Variants in INPP5A observed in about 807,000 individuals in gnomAD.
INPP5A encodes the protein inositol polyphosphate-5-phosphatase A.
INPP5A carries 14 observed loss-of-function variants against 65.2 expected under a neutral mutation model. The observed-to-expected ratio is 0.21, with a 90% CI of 0.14 to 0.34. The LOEUF (loss-of-function observed/expected upper bound fraction) is 0.34, where lower values mean the gene tolerates loss of function less well. Ranked by LOEUF, INPP5A falls within the 10% of genes least tolerant of loss-of-function variation. INPP5A has a pLI of 1.00. For missense variants in INPP5A, 431 were observed against 545.6 expected, an observed-to-expected ratio of 0.79 and a Z score of 2.09; for synonymous variants, 207 against 208.3, an observed-to-expected ratio of 0.99 and a Z score of 0.05.
intron 7 of INPP5A, chr10:132,708,591 A>T: frequency 1.5e-6 from 1 of 667,182 alleles, no homozygotes; most frequent in South Asian, 1.5e-5. Context: ...CCCAGTGCCA[A>T]TGGAGACACA....
chr10:132,653,199 G>A (rs1345085106), intron 4 of INPP5A, among the ~76,000 whole-genome samples: 2 of 152,216 alleles, frequency 1.3e-5, no homozygotes, highest in Non-Finnish European at 2.9e-5. Flanking sequence ...TCATGCTGTA[G>A]TTCTGTTTCC....
intron 4 of INPP5A, among the ~76,000 whole-genome samples, chr10:132,684,564 G>A (rs1202724963): frequency 6.6e-6 from 1 of 152,218 alleles, no homozygotes; most frequent in African/African-American, 2.4e-5. Context: ...GATGTGGTGT[G>A]TCCCTGTGGC....
chr10:132,710,472 C>CAGGT lies in INPP5A; in HGVS notation c.647+20_647+23dup. ...TGCTGGACAGGTAGGTGTGGGCGGG[C>CAGGT]AGGTAGGCGTGGGCCGGGCAAGTAG... On this transcript the variant is annotated intron_variant, in intron 8 of 15. Transcript: ENST00000368594. 1 of 1,610,916 alleles carries CAGGT rather than the reference C, an allele frequency of 6.2e-7. No individual in the cohort carries two copies. The highest frequency in any genetic ancestry group is 1.3e-5 in the African/African-American group (1 of 74,840).
At chr10:132,615,388 T>C (rs1433935543) in intron 2 of INPP5A, among the ~76,000 whole-genome samples, 1 of 152,200 alleles carries the variant, frequency 6.6e-6, no homozygotes, top group African/African-American at 2.4e-5. Flanking sequence ...TGAGGAAGAC[T>C]TCTGTGTGGC....
chr10:132,726,447 G>C (rs948219197), intron 8 of INPP5A, among the ~76,000 whole-genome samples: 22 of 152,182 alleles, frequency 1.4e-4, no homozygotes, highest in Non-Finnish European at 3.1e-4. Context: ...GTTTGTGGTG[G>C]ATTATTCAGG....
At chr10:132,582,491 C>T (rs141999895) in intron 1 of INPP5A, among the ~76,000 whole-genome samples, 191 of 150,634 alleles carry the variant, frequency 1.3e-3, no homozygotes, top group Middle Eastern at 3.4e-3. Context: ...CAACACGGCT[C>T]ACTGCATCCT....
intron 9 of INPP5A, among the ~76,000 whole-genome samples, chr10:132,748,644 C>T (rs1846415207): frequency 6.6e-6 from 1 of 152,242 alleles, no homozygotes; most frequent in African/African-American, 2.4e-5. Flanking sequence ...CAATGTAATC[C>T]TTCGCGGTGA....
intron 1 of INPP5A, among the ~76,000 whole-genome samples, chr10:132,568,787 A>AT (rs1400266658): frequency 6.6e-6 from 1 of 152,096 alleles, no homozygotes; most frequent in African/African-American, 2.4e-5. Flanking sequence ...ACAAAAAAGA[A>AT]TTTTTTTGAG....
chr10:132,775,351 A>G (rs1022253255), intron 12 of INPP5A, among the ~76,000 whole-genome samples: 1 of 152,004 alleles, frequency 6.6e-6, no homozygotes, highest in South Asian at 2.1e-4. Flanking sequence ...CCCAGCAGGT[A>G]TGCTTTCAGA....
rs76926400 is a variant in INPP5A at position 132,573,230 on chromosome 10, T to C, written c.76-34685T>C. Among the ~76,000 whole-genome samples the C allele has an allele frequency of 1.4e-3, 198 of 139,650 alleles. 1 individual carries two copies. Among genetic ancestry groups the C allele is most frequent in the African/African-American group, 4.9e-3 (180 of 36,452 alleles). The allele number at this position is 139,650 out of a possible 152,430, so 91.6% of individuals were successfully genotyped here. A position where few individuals can be genotyped will look rare whatever the true frequency, so the allele number is the denominator to read the frequency against. ...TATTGAGATGTTGGGGTGTGTGTGC[T>C]GTGTGAGGTTTTGTTGATGTTGAGG... On this transcript the variant is annotated intron_variant, in intron 1 of 15. Transcript: ENST00000368594.
intron 9 of INPP5A, among the ~76,000 whole-genome samples, chr10:132,744,815 C>A (rs1006085430): frequency 6.6e-6 from 1 of 152,192 alleles, no homozygotes; most frequent in Non-Finnish European, 1.5e-5. Flanking sequence ...CCTGAGGCGA[C>A]CTGCAGGGCT....
intron 8 of INPP5A, among the ~76,000 whole-genome samples, chr10:132,722,478 C>T (rs2134569987): frequency 6.6e-6 from 1 of 152,338 alleles, no homozygotes; most frequent in African/African-American, 2.4e-5. Flanking sequence ...CGCCACCTGC[C>T]CTGTCACCGT....
At position 132,762,547 on chromosome 10, in the gene INPP5A, C is replaced by T. The variant is rs923948600; in HGVS notation, c.904-3226C>T. ...TGGCCACCATAAAGACAGTACCTGG[C>T]GATGGAGAGACACAGCCCCACCAGC... On this transcript the variant is annotated intron_variant, in intron 11 of 15. Transcript: ENST00000368594. This position sits in a 1 kb window ranked among gnomAD's most constrained non-coding sequence, Gnocchi z 4.6. Among the ~76,000 whole-genome samples, 4 of 152,110 alleles carry T rather than the reference C, an allele frequency of 2.6e-5. No individual in the cohort carries two copies. The highest frequency in any genetic ancestry group is 1.9e-4 in the East Asian group (1 of 5,190).
chr10:132,607,893 TC>T, intron 1 of INPP5A, 21 bp from the exon 2 acceptor site: 3 of 1,605,138 alleles, frequency 1.9e-6, no homozygotes, highest in Non-Finnish European at 2.5e-6. Context: ...GACTGGCTTT[TC>T]TTTTTCTTCT....
intron 8 of INPP5A, among the ~76,000 whole-genome samples, chr10:132,712,241 T>C (rs1845650274): frequency 6.6e-6 from 1 of 151,902 alleles, no homozygotes; most frequent in East Asian, 1.9e-4. Flanking sequence ...GCACACCTTG[T>C]GTGCATGCAA....
At chr10:132,681,751 A>G (rs189027000) in intron 4 of INPP5A, among the ~76,000 whole-genome samples, 23 of 152,348 alleles carry the variant, frequency 1.5e-4, no homozygotes, top group African/African-American at 4.6e-4. Context: ...ACAGACCCCA[A>G]AGAATTGAGA....
At chr10:132,631,195 GAGA>G (rs973307922) in intron 2 of INPP5A, among the ~76,000 whole-genome samples, 10 of 152,206 alleles carry the variant, frequency 6.6e-5, no homozygotes, top group Non-Finnish European at 1.2e-4. Context: ...GCAGGGCGGA[GAGA>G]AGAACAGGCC....
chr10:132,678,006 G>A lies in INPP5A; in HGVS notation c.307-12386G>A, dbSNP rs1347166453. ...CGAACAGGAGGCAGAATGAGATTACGTGTGCATCTCTCCCGCCAGCAGCCA... is the reference window on the plus strand; with the variant it reads ...CGAACAGGAGGCAGAATGAGATTACATGTGCATCTCTCCCGCCAGCAGCCA... On this transcript the variant is annotated intron_variant, in intron 4 of 15. Coordinates refer to ENST00000368594, the MANE Select transcript of INPP5A (RefSeq NM_005539.5). The surrounding 1 kb of genome is among the most constrained non-coding windows in gnomAD (Gnocchi z 4.1). Among the ~76,000 whole-genome samples the A allele has an allele frequency of 6.6e-6, 1 of 152,238 alleles. No homozygotes were observed. The highest frequency in any genetic ancestry group is 1.5e-5 in the Non-Finnish European group (1 of 68,044).
chr10:132,538,656 C>T lies in INPP5A; in HGVS notation c.75+485C>T, dbSNP rs972259847. 1.3e-5 allele frequency among the ~76,000 whole-genome samples: 2 copies of T among 152,110 alleles called. No homozygotes were observed. The highest frequency in any genetic ancestry group is 4.8e-5 in the African/African-American group (2 of 41,392). ...CAACCCTGGCCCTGAACCCCAGGTCCATGGTCACTGGAACCACAAATCCTG... is the reference window on the plus strand; with the variant it reads ...CAACCCTGGCCCTGAACCCCAGGTCTATGGTCACTGGAACCACAAATCCTG... On this transcript the variant is annotated intron_variant, in intron 1 of 15. Coordinates refer to ENST00000368594, the MANE Select transcript of INPP5A (RefSeq NM_005539.5). This position sits in a 1 kb window ranked among gnomAD's most constrained non-coding sequence, Gnocchi z 4.1.
Sources: allele counts gnomAD v4.1 joint callset (sites outside exome capture counted in the v4.1 genomes callset), GRCh38; gene constraint gnomAD v4.1.1; non-coding constraint Gnocchi (gnomAD v3.1); transcripts MANE v1.5; gene names NCBI Gene and HGNC (gene_info 2026-07-23, HGNC 2026-07-21).